ADAMTSL4: variants seen among roughly 807,000 people sequenced by gnomAD.
ADAMTSL4 encodes ADAMTS like 4.
Under a neutral mutation model 122.8 loss-of-function variants are expected in ADAMTSL4, and 97 were observed. The ratio of observed to expected loss-of-function variants is 0.79; its 90% CI spans 0.67 to 0.93. The LOEUF is 0.93. Among genes scored for constraint, ADAMTSL4 ranks in the 40% least tolerant of loss-of-function variants. The probability of loss-of-function intolerance (pLI) is 0.00; values close to 1 mark genes in which losing one functional copy is unlikely to be tolerated. For missense variants in ADAMTSL4, 1,408 were observed against 1,453.5 expected (o/e 0.97, Z 0.51); for synonymous variants, 592 against 568.0 (o/e 1.04, Z -0.60).
intron 13 of ADAMTSL4, 145 bp from the exon 14 acceptor site, chr1:150,557,800 C>A: frequency 7.9e-7 from 1 of 1,258,154 alleles, no homozygotes; most frequent in Non-Finnish European, 1.1e-6. Flanking sequence ...GCTGAGCCCC[C>A]CAGGAACCCA....
intron 2 of ADAMTSL4, chr1:150,550,703 G>T: frequency 2.2e-6 from 1 of 456,130 alleles, no homozygotes. Context: ...GTTCAGTCAG[G>T]GTGGAGTTGC....
At position 150,556,057 on chromosome 1, in the gene ADAMTSL4, T is replaced by C; in HGVS notation, c.1372-105T>C. The C allele has an allele frequency of 1.6e-6, 2 of 1,246,068 alleles. No homozygotes were observed. Among genetic ancestry groups the C allele is most frequent in the South Asian group, 1.2e-5 (1 of 81,594 alleles). The allele number at this position is 1,246,068 out of a possible 1,614,324, so 77.2% of individuals were successfully genotyped here. A position where few individuals can be genotyped will look rare whatever the true frequency, so the allele number is the denominator to read the frequency against. On this transcript the variant is annotated intron_variant, in intron 8 of 18. Coordinates refer to ENST00000271643, the MANE Select transcript of ADAMTSL4 (RefSeq NM_019032.6). This position sits in a 1 kb window ranked among gnomAD's most constrained non-coding sequence, Gnocchi z 4.1. ...GGGGCTGTTTTTGTGCTCTCACTTG[T>C]GGCACAAAAAGCAGGGTAGTGAGCT...
Position 150,556,339 on chromosome 1 carries a change from C to T in ADAMTSL4, c.1549C>T (p.Gln517Ter). ...GGGAGCCTTGCGGCTCCAGATTGCC[C>T]AGCTCCGGCCTAGCTCCAACTACCT... The part of the protein sequence containing the change: ...PAGALRLQIA[Q>*]LRPSSNYLAL... The change falls in exon 9 of 19, where the codon CAG becomes TAG. Residue 517 changes from glutamine to a stop codon, truncating the protein, a stop_gained. Transcript: ENST00000271643. LOFTEE classifies it high-confidence loss of function. This position sits in a 1 kb window ranked among gnomAD's most constrained non-coding sequence, Gnocchi z 4.1. 6.2e-7 allele frequency: 1 copy of T among 1,614,070 alleles called. No homozygotes were observed. The highest frequency in any genetic ancestry group is 8.5e-7 in the Non-Finnish European group (1 of 1,180,010).
Position 150,560,259 on chromosome 1 carries a change from C to T in ADAMTSL4, c.*63C>T. On this transcript the variant is annotated 3_prime_UTR_variant, in exon 19 of 19. Transcript: ENST00000271643. ...CATCGGTCACCCATTGATCGGCCCA[C>T]TCTGAACCCCCTGGCTCTCCAGCCT... 1 of 1,602,486 alleles carries T rather than the reference C, an allele frequency of 6.2e-7. No homozygotes were observed. The highest frequency in any genetic ancestry group is 8.5e-7 in the Non-Finnish European group (1 of 1,173,624).
rs1672358928 is a variant in ADAMTSL4 at position 150,557,927 on chromosome 1, C to G, written c.2178-18C>G. 3 of 1,601,656 alleles carry G rather than the reference C, an allele frequency of 1.9e-6. No individual in the cohort carries two copies. The East Asian group carries it at 6.7e-5, about 36-fold the overall frequency. On this transcript the variant is annotated intron_variant, in intron 13 of 18. Transcript: ENST00000271643. ...CATCTATGTCTCCGCCTCTTCCCTG[C>G]CCTGCTGGTGCCTGCAGCTGGGAGG... is the stretch of plus-strand genomic sequence containing the variant.
chr1:150,553,705 A>G lies in ADAMTSL4; in HGVS notation c.714A>G (p.Thr238=). Residue 238 remains threonine (T), a synonymous_variant, in exon 6 of 19, where the codon ACA becomes ACG. Coordinates refer to ENST00000271643, the MANE Select transcript of ADAMTSL4 (RefSeq NM_019032.6). ...AEPLSPETAQ[T]EVAPRTRPAP... Reference sequence around the variant, plus strand: ...CTCTAAGCCCTGAAACTGCTCAGACAGAGGTGGCCCCCAGAACCAGGCCTG... The same window carrying G: ...CTCTAAGCCCTGAAACTGCTCAGACGGAGGTGGCCCCCAGAACCAGGCCTG... The G allele has an allele frequency of 6.2e-7, 1 of 1,609,528 alleles. No homozygotes were observed. Among genetic ancestry groups the G allele is most frequent in the Non-Finnish European group, 8.5e-7 (1 of 1,178,102 alleles).
In ADAMTSL4 at chr1:150,554,258, T is replaced by C; in HGVS notation, c.1132-107T>C. 6.9e-7 allele frequency: 1 copy of C among 1,440,536 alleles called. No homozygotes were observed. The highest frequency in any genetic ancestry group is 1.1e-5 in the South Asian group (1 of 87,468). The allele number at this position is 1,440,536 out of a possible 1,614,324, so 89.2% of individuals were successfully genotyped here. A position where few individuals can be genotyped will look rare whatever the true frequency, so the allele number is the denominator to read the frequency against. On this transcript the variant is annotated intron_variant, in intron 6 of 18. Coordinates refer to ENST00000271643, the MANE Select transcript of ADAMTSL4 (RefSeq NM_019032.6). This position sits in a 1 kb window ranked among gnomAD's most constrained non-coding sequence, Gnocchi z 4.0. ...TCTGACCACCTCAGGGCAGGGGTCT[T>C]GGAGCTCTTCCGCTGACCTGAGCCT...
In ADAMTSL4 at chr1:150,554,773, G is replaced by T; in HGVS notation, c.1234+306G>T. On this transcript the variant is annotated intron_variant, in intron 7 of 18. Transcript: ENST00000271643. This position sits in a 1 kb window ranked among gnomAD's most constrained non-coding sequence, Gnocchi z 4.0. ...GCCATGGTGGGAGAGATCCTGTCCA[G>T]CCGTGACAGCCAGGTGGGGGTGTGC... 1 of 1,007,190 alleles carries T rather than the reference G, an allele frequency of 9.9e-7. No individual in the cohort carries two copies. Among genetic ancestry groups the T allele is most frequent in the Non-Finnish European group, 1.4e-6 (1 of 697,666 alleles). The allele number at this position is 1,007,190 out of a possible 1,614,324, so 62.4% of individuals were successfully genotyped here. A position where few individuals can be genotyped will look rare whatever the true frequency, so the allele number is the denominator to read the frequency against.
At chr1:150,558,892 C>G in intron 15 of ADAMTSL4, 70 bp from the exon 16 acceptor site, 6 of 1,544,936 alleles carry the variant, frequency 3.9e-6, no homozygotes, top group Non-Finnish European at 5.2e-6. Flanking sequence ...GCGTCCCTCC[C>G]TGCCCCCCTA....
rs587674347 is a variant in ADAMTSL4, at chr1:150,560,406, C to T, written c.*210C>T. On this transcript the variant is annotated 3_prime_UTR_variant, in exon 19 of 19. Transcript: ENST00000271643. ...GTGTGATGGGTGTGTGCACATATGC[C>T]TCAGGTGTGCTTTTGGGACTGCATG... 2.0e-4 allele frequency: 141 copies of T among 697,774 alleles called. No homozygotes were observed. In the African/African-American group the frequency reaches 2.2e-3, roughly 11 times the overall value. The allele number at this position is 697,774 out of a possible 1,614,324, so 43.2% of individuals were successfully genotyped here. A position where few individuals can be genotyped will look rare whatever the true frequency, so the allele number is the denominator to read the frequency against.
rs1178451637 is a variant in ADAMTSL4 at position 150,553,423 on chromosome 1, C to T, written c.435-3C>T. 2 of 1,613,832 alleles carry T rather than the reference C, an allele frequency of 1.2e-6. No individual in the cohort carries two copies. Among genetic ancestry groups the T allele is most frequent in the East Asian group, 2.2e-5 (1 of 44,856 alleles). On this transcript the variant is annotated splice_region_variant and splice_polypyrimidine_tract_variant and intron_variant, in intron 5 of 18. Transcript: ENST00000271643. ...TGCCCCCACATCTGAAACACCTTCT[C>T]AGGTCCCGGCTTCGAGACCCCATCA... is the stretch of plus-strand genomic sequence containing the variant.
Position 150,552,960 on chromosome 1 carries a change from G to A in ADAMTSL4, c.141G>A (p.Trp47Ter), listed in dbSNP as rs768099905. Residue 47 changes from tryptophan (W) to a stop codon, truncating the protein, a stop_gained, in exon 5 of 19, where the codon TGG becomes TGA. Transcript: ENST00000271643. LOFTEE classifies it high-confidence loss of function. The surrounding 1 kb of genome is among the most constrained non-coding windows in gnomAD (Gnocchi z 4.0). ...AGGGCCAGGGCCCCGAAGGTGTCTG[G>A]GGACCTTGGGTCCAGTGGGCCTCTT... ...TEEGQGPEGV[W>*]GPWVQWASCS... 2 of 1,613,126 alleles carry A rather than the reference G, an allele frequency of 1.2e-6. No individual in the cohort carries two copies. The highest frequency in any genetic ancestry group is 2.2e-5 in the South Asian group (2 of 91,080).
chr1:150,550,482 G>A, intron 2 of ADAMTSL4: 1 of 378,502 alleles, frequency 2.6e-6, no homozygotes, highest in Non-Finnish European at 5.3e-6. Context: ...TGTGTACTGG[G>A]TAGACCCGTG....
intron 8 of ADAMTSL4, 138 bp downstream of exon 8, chr1:150,555,703 A>G (rs111359935): frequency 6.5e-6 from 8 of 1,230,176 alleles, no homozygotes; most frequent in Middle Eastern, 2.6e-4. Flanking sequence ...ATATGCGCAC[A>G]GACACATGCA....
At position 150,553,817 on chromosome 1, in the gene ADAMTSL4, C is replaced by G; in HGVS notation, c.826C>G (p.Arg276Gly). The change falls in exon 6 of 19, where the codon CGT becomes GGT. Residue 276 changes from arginine to glycine, a missense_variant. By Grantham distance (125) the Arg-to-Gly change is moderately radical. Transcript: ENST00000271643. ...THSLGEGGFFRASPQPRRPSS... is the reference protein window; with the variant it reads ...THSLGEGGFFGASPQPRRPSS... ...CTCCTTAGGAGAAGGTGGCTTCTTC[C>G]GTGCATCCCCTCAGCCACGAAGGCC... The G allele has an allele frequency of 6.2e-7, 1 of 1,613,922 alleles. No individual in the cohort carries two copies. The highest frequency in any genetic ancestry group is 8.5e-7 in the Non-Finnish European group (1 of 1,179,944).
chr1:150,556,912 A>G lies in ADAMTSL4; in HGVS notation c.1750-27A>G, dbSNP rs755126384. The G allele has an allele frequency of 6.2e-7, 1 of 1,611,008 alleles. No individual in the cohort carries two copies. The highest frequency in any genetic ancestry group is 8.5e-7 in the Non-Finnish European group (1 of 1,177,368). On this transcript the variant is annotated intron_variant, in intron 10 of 18. Transcript: ENST00000271643. The surrounding 1 kb of genome is among the most constrained non-coding windows in gnomAD (Gnocchi z 4.1). Reference sequence around the variant, plus strand: ...GGCATCCTCTTCTGGCCACCCCCACATATTCATTATCTTCTCTTCTCCCCA... The same window carrying G: ...GGCATCCTCTTCTGGCCACCCCCACGTATTCATTATCTTCTCTTCTCCCCA...
rs1290634975 is a variant in ADAMTSL4 at position 150,556,236 on chromosome 1, T to C, written c.1446T>C (p.Ser482=). The change falls in exon 9 of 19, where the codon TCT becomes TCC. Residue 482 remains serine (S), a synonymous_variant. Transcript: ENST00000271643. This position sits in a 1 kb window ranked among gnomAD's most constrained non-coding sequence, Gnocchi z 4.1. ...GTGGAGTCTGTGGGGGTGATGATTC[T>C]ACCTGTCGCCTTGTTTCGGGGAACC... is the stretch of plus-strand genomic sequence containing the variant. ...DGCGVCGGDD[S]TCRLVSGNLT... is the part of the protein sequence containing the mutation. 11 of 1,614,054 alleles carry C rather than the reference T, an allele frequency of 6.8e-6. No homozygotes were observed. The highest frequency in any genetic ancestry group is 9.3e-6 in the Non-Finnish European group (11 of 1,180,030).
chr1:150,552,958 TG>T lies in ADAMTSL4; in HGVS notation c.143del (p.Gly48AspfsTer85). On this transcript the variant is annotated frameshift_variant, in exon 5 of 19. Transcript: ENST00000271643. LOFTEE classifies it high-confidence loss of function. This position sits in a 1 kb window ranked among gnomAD's most constrained non-coding sequence, Gnocchi z 4.0. ...GGAGGGCCAGGGCCCCGAAGGTGTC[TG>T]GGGACCTTGGGTCCAGTGGGCCTCT... ...TEEGQGPEGV[W>X]GPWVQWASCS... is the part of the protein sequence containing the mutation. 1 of 1,613,130 alleles carries T rather than the reference TG, an allele frequency of 6.2e-7. No individual in the cohort carries two copies. The highest frequency in any genetic ancestry group is 8.5e-7 in the Non-Finnish European group (1 of 1,179,968).
intron 2 of ADAMTSL4, chr1:150,551,557 A>C (rs1450733398): frequency 6.3e-6 from 1 of 157,574 alleles, no homozygotes. Context: ...TCTACTTTCT[A>C]GGCACCTCTG....
Sources: allele counts gnomAD v4.1 joint callset, GRCh38; gene constraint gnomAD v4.1.1; non-coding constraint Gnocchi (gnomAD v3.1); transcripts MANE v1.5; gene names NCBI Gene and HGNC (gene_info 2026-07-23, HGNC 2026-07-21).